Variants in DCLK3 observed in about 807,000 individuals in gnomAD.
The protein encoded by DCLK3 is serine/threonine-protein kinase DCLK3.
Under a neutral mutation model 46.4 loss-of-function variants are expected in DCLK3, and 30 were observed. The observed-to-expected ratio is 0.65, with a 90% CI of 0.48 to 0.88. The LOEUF (loss-of-function observed/expected upper bound fraction) is 0.88, where lower values mean the gene tolerates loss of function less well. Among genes scored for constraint, DCLK3 ranks in the 40% least tolerant of loss-of-function variants. DCLK3 has a pLI of 0.00. For missense variants in DCLK3, 846 were observed against 907.1 expected, an observed-to-expected ratio of 0.93 and a Z score of 0.87; for synonymous variants, 401 against 339.2, an observed-to-expected ratio of 1.18 and a Z score of -2.00.
intron 4 of DCLK3, 105 bp downstream of exon 4, chr3:36,717,905 T>C: frequency 7.0e-7 from 1 of 1,429,096 alleles, no homozygotes; most frequent in African/African-American, 1.4e-5. Context: ...AGACATGACA[T>C]GTTGACAGTC....
chr3:36,751,061 T>TAAAAAAAAA (rs1559394234), intron 1 of DCLK3, among the ~76,000 whole-genome samples: 2 of 28,230 alleles, frequency 7.1e-5, no homozygotes, highest in Non-Finnish European at 1.5e-4. Flanking sequence ...GACGGGATGA[T>TAAAAAAAAA]CTAAAAAAAA....
chr3:36,730,889 C>G (rs1381917055), intron 2 of DCLK3, among the ~76,000 whole-genome samples: 3 of 151,818 alleles, frequency 2.0e-5, no homozygotes, highest in African/African-American at 7.3e-5. Flanking sequence ...GTAGAAGAAA[C>G]AGCAAATGTG....
At chr3:36,757,630 A>G (rs926206097) in intron 1 of DCLK3, among the ~76,000 whole-genome samples, 4 of 152,216 alleles carry the variant, frequency 2.6e-5, no homozygotes, top group African/African-American at 7.2e-5. Flanking sequence ...AGAAAAATAG[A>G]CACTGCAAGA....
chr3:36,760,053 C>T (rs1042793782), intron 1 of DCLK3, among the ~76,000 whole-genome samples: 5 of 152,234 alleles, frequency 3.3e-5, no homozygotes, highest in African/African-American at 1.2e-4. Flanking sequence ...GGAAGAATTT[C>T]CTCCAGGAGG....
intron 2 of DCLK3, among the ~76,000 whole-genome samples, chr3:36,730,881 A>G (rs1312882624): frequency 6.6e-6 from 1 of 152,034 alleles, no homozygotes; most frequent in African/African-American, 2.4e-5. Context: ...GTTTTCAGGT[A>G]GAAGAAACAG....
chr3:36,764,407 G>T lies in DCLK3; in HGVS notation c.-144C>A, dbSNP rs944295841. The T allele has an allele frequency of 1.8e-5, 3 of 168,424 alleles. No homozygotes were observed. The highest frequency in any genetic ancestry group is 4.8e-5 in the African/African-American group (2 of 41,616). 10.4% of individuals were successfully genotyped at this position (168,424 alleles called of 1,614,324 possible). A position where few individuals can be genotyped will look rare whatever the true frequency, so the allele number is the denominator to read the frequency against. On this transcript the variant is annotated 5_prime_UTR_variant, in exon 1 of 5. Coordinates refer to ENST00000636136, the MANE Select transcript of DCLK3 (RefSeq NM_001394672.2). The surrounding 1 kb of genome is among the most constrained non-coding windows in gnomAD (Gnocchi z 4.9). Reference sequence around the variant, plus strand: ...CTCTCCCTCTTCTCTCCCTCCCGCCGCCCGCCGCCCGCCTGCCAGCCCCGC... The same window carrying T: ...CTCTCCCTCTTCTCTCCCTCCCGCCTCCCGCCGCCCGCCTGCCAGCCCCGC...
chr3:36,760,657 C>T lies in DCLK3; in HGVS notation c.82+3525G>A, dbSNP rs139921092. ...AAAGAAAGAAACAACATCTACAGAA[C>T]TTAGGAGCTAGGGAGAAAAGCAGAA... is the stretch of plus-strand genomic sequence containing the variant. On this transcript the variant is annotated intron_variant, in intron 1 of 4. Transcript: ENST00000636136. Among the ~76,000 whole-genome samples the T allele has an allele frequency of 2.1e-3, 324 of 152,118 alleles. 1 individual carries two copies. Among genetic ancestry groups the T allele is most frequent in the Non-Finnish European group, 1.9e-3 (130 of 68,006 alleles).
chr3:36,754,050 A>G (rs1701466749), intron 1 of DCLK3, among the ~76,000 whole-genome samples: 1 of 152,232 alleles, frequency 6.6e-6, no homozygotes, highest in Non-Finnish European at 1.5e-5. Flanking sequence ...TTTGGAAAAT[A>G]TAATCTTCAA....
intron 1 of DCLK3, among the ~76,000 whole-genome samples, chr3:36,762,065 T>C (rs1163699644): frequency 6.6e-6 from 1 of 152,174 alleles, no homozygotes; most frequent in Non-Finnish European, 1.5e-5. Context: ...TTTGCTTTTC[T>C]GAGCACCACG....
chr3:36,763,311 C>T (rs1033374552), intron 1 of DCLK3, among the ~76,000 whole-genome samples: 2 of 152,228 alleles, frequency 1.3e-5, no homozygotes, highest in African/African-American at 4.8e-5. Context: ...CCCTCCACAA[C>T]TTCTCACACA....
At chr3:36,719,943 C>T (rs1388802581) in intron 3 of DCLK3, among the ~76,000 whole-genome samples, 3 of 152,218 alleles carry the variant, frequency 2.0e-5, no homozygotes, top group South Asian at 4.1e-4. Context: ...CAAGTCTAAA[C>T]ATCTCTAACC....
At chr3:36,727,513 T>A (rs983074074) in intron 2 of DCLK3, among the ~76,000 whole-genome samples, 1 of 152,220 alleles carries the variant, frequency 6.6e-6, no homozygotes, top group African/African-American at 2.4e-5. Flanking sequence ...AGGATATATT[T>A]TCAAAATGCC....
Position 36,715,405 on chromosome 3 carries a change from G to A in DCLK3, c.2377C>T (p.Arg793Ter), listed in dbSNP as rs745309900. The A allele has an allele frequency of 5.6e-5, 91 of 1,614,102 alleles. No individual in the cohort carries two copies. The highest frequency in any genetic ancestry group is 6.6e-5 in the Non-Finnish European group (78 of 1,179,990). Residue 793 changes from arginine to a stop codon, truncating the protein, a stop_gained, in exon 5 of 5, where the codon CGA becomes TGA. Coordinates refer to ENST00000636136, the MANE Select transcript of DCLK3 (RefSeq NM_001394672.2). LOFTEE classifies it low-confidence loss of function (END_TRUNC). The part of the protein sequence containing the change: ...ETAGKTNTVK[R>*]QKQVSPSSEG... ...CTGCTGGGGGACACCTGCTTCTGTC[G>A]TTTCACTGTATTGGTCTTGCCAGCT... is the stretch of plus-strand genomic sequence containing the variant.
chr3:36,738,881 C>A lies in DCLK3; in HGVS notation c.286G>T (p.Val96Phe). 1 of 473,884 alleles carries A rather than the reference C, an allele frequency of 2.1e-6. No homozygotes were observed. The highest frequency in any genetic ancestry group is 3.4e-6 in the Non-Finnish European group (1 of 293,506). 29.4% of individuals were successfully genotyped at this position (473,884 alleles called of 1,614,324 possible). A position where few individuals can be genotyped will look rare whatever the true frequency, so the allele number is the denominator to read the frequency against. Residue 96 changes from valine (V) to phenylalanine (F), a missense_variant, in exon 2 of 5, where the codon GTC becomes TTC. Physicochemically the swap from Val to Phe is conservative, Grantham distance 50 (BLOSUM62 -1). Coordinates refer to ENST00000636136, the MANE Select transcript of DCLK3 (RefSeq NM_001394672.2). ...CCACCCAGCTTCACTACGGTCACGA[C>A]CCTGGGCTTCAGAGGGCTGTTCTCA... is the stretch of plus-strand genomic sequence containing the variant. ...HPENSPLKPR[V>F]VTVVKLGGQR... is the part of the protein sequence containing the mutation.
Position 36,734,730 on chromosome 3 carries a change from T to C in DCLK3, c.1959+2478A>G, listed in dbSNP as rs1447864529. ...CTCTCTTTCTCTCTCTGTCTCTCTC[T>C]CTCTCTCACACACACACAATTCCAT... On this transcript the variant is annotated intron_variant, in intron 2 of 4. Transcript: ENST00000636136. 3.9e-5 allele frequency among the ~76,000 whole-genome samples: 6 copies of C among 152,102 alleles called. No homozygotes were observed. In the East Asian group the frequency reaches 1.2e-3, roughly 29 times the overall value.
At chr3:36,750,717 T>C (rs374174634) in intron 1 of DCLK3, among the ~76,000 whole-genome samples, 2 of 152,204 alleles carry the variant, frequency 1.3e-5, no homozygotes, top group East Asian at 3.8e-4. Context: ...GATATAACTG[T>C]AGGCCAGAGA....
At chr3:36,733,700 T>C (rs1701225879) in intron 2 of DCLK3, among the ~76,000 whole-genome samples, 1 of 152,228 alleles carries the variant, frequency 6.6e-6, no homozygotes, top group Non-Finnish European at 1.5e-5. Flanking sequence ...AAAACTTCTT[T>C]TGTAAGATCT....
At chr3:36,721,990 G>A (rs1701067000) in intron 2 of DCLK3, among the ~76,000 whole-genome samples, 1 of 152,216 alleles carries the variant, frequency 6.6e-6, no homozygotes, top group Non-Finnish European at 1.5e-5. Context: ...AAAGCCACTT[G>A]TGGCTTGTGG....
Position 36,737,167 on chromosome 3 carries a change from T to G in DCLK3, c.1959+41A>C, listed in dbSNP as rs1416667130. The stretch of plus-strand genomic sequence containing the variant: ...TTAATATCAATTTTATCCCATATTC[T>G]AAAAACACCCTCTCCCATATCATCA... On this transcript the variant is annotated intron_variant, in intron 2 of 4. Coordinates refer to ENST00000636136, the MANE Select transcript of DCLK3 (RefSeq NM_001394672.2). This position sits in a 1 kb window ranked among gnomAD's most constrained non-coding sequence, Gnocchi z 4.4. 1 of 1,578,846 alleles carries G rather than the reference T, an allele frequency of 6.3e-7. No homozygotes were observed. The highest frequency in any genetic ancestry group is 8.6e-7 in the Non-Finnish European group (1 of 1,163,014).
Sources: gnomAD v4.1 joint callset for allele counts (sites outside exome capture counted in the v4.1 genomes callset) on GRCh38, gnomAD v4.1.1 for gene constraint, Gnocchi (gnomAD v3.1) non-coding constraint, MANE v1.5 for transcripts, NCBI Gene and HGNC (gene_info 2026-07-23, HGNC 2026-07-21) for gene names.